The following PCDHGA8 variants were observed in gnomAD, a reference collection of about 807,000 sequenced individuals.
PCDHGA8 encodes protocadherin gamma-A8.
PCDHGA8 carries 45 observed loss-of-function variants against 59.2 expected under a neutral mutation model. The ratio of observed to expected loss-of-function variants is 0.76; its 90% confidence interval spans 0.60 to 0.98. The LOEUF (loss-of-function observed/expected upper bound fraction) is 0.98. PCDHGA8 is among the 50% of genes least tolerant of loss of function. The probability of loss-of-function intolerance (pLI) is 0.00; values close to 1 mark genes in which losing one functional copy is unlikely to be tolerated. For synonymous variants in PCDHGA8, 531 were observed against 519.0 expected (o/e 1.02, Z -0.32); for missense variants, 1,257 against 1,196.2 (o/e 1.05, Z -0.75).
intron 1 of PCDHGA8, among the ~76,000 whole-genome samples, chr5:141,474,263 A>C (rs964712807): frequency 6.6e-6 from 1 of 152,188 alleles, no homozygotes; most frequent in Non-Finnish European, 1.5e-5. Context: ...CTGATAAACC[A>C]GTGTATCTCT....
At chr5:141,419,411 C>T (rs757881409) in intron 1 of PCDHGA8, 7 of 1,613,344 alleles carry the variant, frequency 4.3e-6, no homozygotes, top group Non-Finnish European at 5.9e-6. Flanking sequence ...GTTCGCGCAG[C>T]GCGCCTTCGA....
intron 1 of PCDHGA8, among the ~76,000 whole-genome samples, chr5:141,405,996 G>A (rs2094743914): frequency 6.6e-6 from 1 of 151,746 alleles, no homozygotes; most frequent in Non-Finnish European, 1.5e-5. Flanking sequence ...GTAGCTCTCA[G>A]CCTGCATTGA....
Position 141,491,889 on chromosome 5 carries a change from C to T in PCDHGA8, c.2425-2918C>T, listed in dbSNP as rs2099734763. On this transcript the variant is annotated intron_variant, in intron 1 of 3. Transcript: ENST00000398604. The surrounding 1 kb of genome is among the most constrained non-coding windows in gnomAD (Gnocchi z 6.9). ...GAGTGGCCGATTAAGGGATGGGGCT[C>T]CGAGCACCGGGGGTGGTGGCGACTG... 11 of 1,441,360 alleles carry T rather than the reference C, an allele frequency of 7.6e-6. No individual in the cohort carries two copies. Among genetic ancestry groups the T allele is most frequent in the Non-Finnish European group, 1.0e-5 (11 of 1,090,600 alleles). 89.3% of individuals were successfully genotyped at this position (1,441,360 alleles called of 1,614,324 possible).
At chr5:141,410,191 C>G in intron 1 of PCDHGA8, 2 of 1,613,994 alleles carry the variant, frequency 1.2e-6, no homozygotes, top group Non-Finnish European at 1.7e-6. Context: ...TTCATCTGGT[C>G]TTCGCAGACA....
intron 1 of PCDHGA8, among the ~76,000 whole-genome samples, chr5:141,481,049 C>A (rs1165894624): frequency 1.3e-5 from 2 of 152,096 alleles, no homozygotes; most frequent in Non-Finnish European, 2.9e-5. Context: ...CAGAGCGAGA[C>A]TCCACCTCAA....
Position 141,447,812 on chromosome 5 carries a change from G to A in PCDHGA8, c.2425-46995G>A, listed in dbSNP as rs557330895. 5.4e-4 allele frequency among the ~76,000 whole-genome samples: 82 copies of A among 152,254 alleles called. 1 individual carries two copies. The highest frequency in any genetic ancestry group is 1.3e-3 in the Admixed American group (20 of 15,294). On this transcript the variant is annotated intron_variant, in intron 1 of 3. Coordinates refer to ENST00000398604, the MANE Select transcript of PCDHGA8 (RefSeq NM_032088.2). ...TTTAAGAAAATAAAATTGGCTGGGC[G>A]TGGTGGCTCACGCCTGTAATCCCAG...
chr5:141,433,313 C>T (rs2097582516), intron 1 of PCDHGA8: 5 of 866,388 alleles, frequency 5.8e-6, no homozygotes, highest in Admixed American at 2.8e-5. Context: ...CCCACCTTTG[C>T]CTCCGGTGTA....
chr5:141,415,029 G>A (rs777967290), intron 1 of PCDHGA8: 4 of 1,613,436 alleles, frequency 2.5e-6, no homozygotes, highest in Non-Finnish European at 3.4e-6. Flanking sequence ...CCAGCGAGCC[G>A]GGACTCTTCG....
chr5:141,488,292 G>A (rs961688781), intron 1 of PCDHGA8, among the ~76,000 whole-genome samples: 1 of 152,216 alleles, frequency 6.6e-6, no homozygotes, highest in African/African-American at 2.4e-5. Flanking sequence ...AAAACAGTAA[G>A]TGAAATCACT....
At chr5:141,420,965 TA>T (rs1468739825) in intron 1 of PCDHGA8, 6 of 433,892 alleles carry the variant, frequency 1.4e-5, no homozygotes, top group African/African-American at 1.0e-4. Flanking sequence ...GTCGTTGCAA[TA>T]ATAAGAATGG....
intron 1 of PCDHGA8, chr5:141,398,647 C>T: frequency 6.2e-7 from 1 of 1,614,070 alleles, no homozygotes; most frequent in Non-Finnish European, 8.5e-7. Context: ...TAAACTCTCT[C>T]TTAACCCAAG....
chr5:141,442,898 TCTC>T (rs1427810429), intron 1 of PCDHGA8, among the ~76,000 whole-genome samples: 14 of 152,222 alleles, frequency 9.2e-5, no homozygotes, highest in Admixed American at 9.2e-4. Context: ...GCTTATCACT[TCTC>T]CTTCAGCACA....
At position 141,392,938 on chromosome 5, in the gene PCDHGA8, G is replaced by T; in HGVS notation, c.125G>T (p.Gly42Val). Residue 42 changes from glycine to valine, a missense_variant, in exon 1 of 4, where the codon GGC becomes GTC. Coordinates refer to ENST00000398604, the MANE Select transcript of PCDHGA8 (RefSeq NM_032088.2). ...RYSVPEETDK[G>V]SFVGNISKDL... The stretch of plus-strand genomic sequence containing the variant: ...TCTGTGCCAGAAGAGACGGACAAAG[G>T]CTCCTTCGTGGGTAATATCTCCAAG... The T allele has an allele frequency of 6.2e-7, 1 of 1,613,954 alleles. No homozygotes were observed. The highest frequency in any genetic ancestry group is 8.5e-7 in the Non-Finnish European group (1 of 1,179,888).
At chr5:141,456,702 C>T (rs1185842343) in intron 1 of PCDHGA8, among the ~76,000 whole-genome samples, 1 of 152,062 alleles carries the variant, frequency 6.6e-6, no homozygotes, top group Non-Finnish European at 1.5e-5. Flanking sequence ...TGGTGGCTCG[C>T]GCCTGTAATC....
Position 141,441,858 on chromosome 5 carries a change from C to T in PCDHGA8, c.2424+46621C>T, listed in dbSNP as rs535716058. The T allele has an allele frequency of 6.0e-5, 21 of 349,416 alleles. No homozygotes were observed. The East Asian group carries it at 7.4e-4, about 12-fold the overall frequency. The allele number at this position is 349,416 out of a possible 1,614,324, so 21.6% of individuals were successfully genotyped here. On this transcript the variant is annotated intron_variant, in intron 1 of 3. Coordinates refer to ENST00000398604, the MANE Select transcript of PCDHGA8 (RefSeq NM_032088.2). ...TCGCGCTCTTGGATATGGTGCTGCA[C>T]GCCGCGGAGCCTGGCTACCTGGTCA...
chr5:141,402,979 C>G (rs372858164), intron 1 of PCDHGA8: 9 of 1,608,716 alleles, frequency 5.6e-6, no homozygotes, highest in Non-Finnish European at 7.6e-6. Flanking sequence ...AATGCCAGCT[C>G]CGCGGAAGAT....
rs1000775080 is a variant in PCDHGA8 at position 141,487,567 on chromosome 5, G to C, written c.2425-7240G>C. 2 of 1,614,168 alleles carry C rather than the reference G, an allele frequency of 1.2e-6. No individual in the cohort carries two copies. The highest frequency in any genetic ancestry group is 1.7e-6 in the Non-Finnish European group (2 of 1,180,036). ...CACCCAGTGCACCTATGGCAGGGGA[G>C]CCTGTTCGCCCAAGCTGCCCACCCT... On this transcript the variant is annotated intron_variant, in intron 1 of 3. Coordinates refer to ENST00000398604, the MANE Select transcript of PCDHGA8 (RefSeq NM_032088.2). The surrounding 1 kb of genome is among the most constrained non-coding windows in gnomAD (Gnocchi z 5.0).
chr5:141,443,417 T>C (rs1429905201), intron 1 of PCDHGA8, among the ~76,000 whole-genome samples: 3 of 152,132 alleles, frequency 2.0e-5, no homozygotes, highest in East Asian at 1.9e-4. Context: ...TCTGGGGAGA[T>C]TGAAGCTGCA....
chr5:141,490,497 C>T lies in PCDHGA8; in HGVS notation c.2425-4310C>T. 8 of 1,614,196 alleles carry T rather than the reference C, an allele frequency of 5.0e-6. No individual in the cohort carries two copies. Among genetic ancestry groups the T allele is most frequent in the Non-Finnish European group, 6.8e-6 (8 of 1,180,038 alleles). ...CTTTGGACCGGGAGGCCACATCCCACTATATCATCGAGCTGCTGGCCAGCG... is the reference window on the plus strand; with the variant it reads ...CTTTGGACCGGGAGGCCACATCCCATTATATCATCGAGCTGCTGGCCAGCG... On this transcript the variant is annotated intron_variant, in intron 1 of 3. Transcript: ENST00000398604. The surrounding 1 kb of genome is among the most constrained non-coding windows in gnomAD (Gnocchi z 5.4).
Sources: allele counts gnomAD v4.1 joint callset (sites outside exome capture counted in the v4.1 genomes callset), GRCh38; gene constraint gnomAD v4.1.1; non-coding constraint Gnocchi (gnomAD v3.1); transcripts MANE v1.5; gene names NCBI Gene and HGNC (gene_info 2026-07-23, HGNC 2026-07-21).